The following TXNDC11 variants were observed in gnomAD, a reference collection of about 807,000 sequenced individuals.
TXNDC11 encodes the protein thioredoxin domain-containing protein 11.
In TXNDC11, 68 loss-of-function variants were observed where a neutral mutation model predicts 78.0. The observed-to-expected ratio is 0.87, with a 90% CI of 0.72 to 1.07. The LOEUF is 1.07. Ranked by LOEUF, TXNDC11 falls within the 50% of genes least tolerant of loss-of-function variation. The pLI, the probability that TXNDC11 is intolerant of heterozygous loss-of-function variation, is 0.00. For missense variants in TXNDC11, 1,389 were observed against 1,221.8 expected (o/e 1.14, Z -2.04); for synonymous variants, 571 against 495.2 (o/e 1.15, Z -2.03).
Position 11,742,808 on chromosome 16 carries a change from A to C in TXNDC11, c.-78T>G. The C allele has an allele frequency of 1.5e-6, 2 of 1,374,452 alleles. No individual in the cohort carries two copies. Among genetic ancestry groups the C allele is most frequent in the Non-Finnish European group, 1.9e-6 (2 of 1,069,696 alleles). The allele number at this position is 1,374,452 out of a possible 1,614,324, so 85.1% of individuals were successfully genotyped here. ...GGCCCGGCCCGGCCCGTTGCTCCCC[A>C]ATCCCGCAGCTCGCCGCACCCGCTA... On this transcript the variant is annotated 5_prime_UTR_variant, in exon 1 of 12. The change creates a new upstream start codon in the 5' untranslated region. Transcript: ENST00000283033.
chr16:11,721,725 T>C, intron 4 of TXNDC11, 55 bp from the exon 5 acceptor site: 1 of 972,410 alleles, frequency 1.0e-6, no homozygotes, highest in Non-Finnish European at 1.6e-6. Context: ...CACAGTGTAA[T>C]GGAGGATATT....
intron 6 of TXNDC11, 95 bp downstream of exon 6, chr16:11,700,357 T>C (rs989330235): frequency 1.8e-6 from 1 of 569,796 alleles, no homozygotes; most frequent in East Asian, 3.0e-5. Context: ...TTCTAGAGAG[T>C]GTCCATAGAT....
At chr16:11,680,193 G>A (rs563308984) in intron 11 of TXNDC11, among the ~76,000 whole-genome samples, 8 of 152,358 alleles carry the variant, frequency 5.3e-5, no homozygotes, top group Admixed American at 1.3e-4. Flanking sequence ...GATGCCCAGC[G>A]GCTGTGTCAG....
At chr16:11,700,965 C>T (rs1250313042) in intron 5 of TXNDC11, among the ~76,000 whole-genome samples, 1 of 152,100 alleles carries the variant, frequency 6.6e-6, no homozygotes, top group African/African-American at 2.4e-5. Context: ...TCCTTGACCA[C>T]CCCACCTAAC....
intron 11 of TXNDC11, among the ~76,000 whole-genome samples, chr16:11,681,665 C>T (rs2050428889): frequency 6.6e-6 from 1 of 152,158 alleles, no homozygotes; most frequent in African/African-American, 2.4e-5. Context: ...CAGGAGCACC[C>T]ATCTCCCCCT....
Position 11,688,443 on chromosome 16 carries a change from ACT to A in TXNDC11, c.1901_1902del (p.Glu634ValfsTer11), listed in dbSNP as rs1415761410. ...PKQALMKLTL[E>X]SFIQNFSVLY... ...AGAACGCTGAAGTTTTGAATAAAAG[ACT>A]CTAAAAATAAAGAGAAAATGAGATC... On this transcript the variant is annotated frameshift_variant and splice_region_variant, in exon 9 of 12. Coordinates refer to ENST00000283033, the MANE Select transcript of TXNDC11 (RefSeq NM_015914.7). LOFTEE classifies it high-confidence loss of function. 1 of 1,600,890 alleles carries A rather than the reference ACT, an allele frequency of 6.2e-7. No individual in the cohort carries two copies. The highest frequency in any genetic ancestry group is 2.2e-5 in the East Asian group (1 of 44,774).
intron 4 of TXNDC11, among the ~76,000 whole-genome samples, chr16:11,726,223 G>C (rs910423324): frequency 7.0e-5 from 3 of 43,032 alleles, no homozygotes; most frequent in African/African-American, 2.7e-4. Flanking sequence ...TTAATGATTA[G>C]CGCAATGTGA....
intron 10 of TXNDC11, among the ~76,000 whole-genome samples, chr16:11,685,340 G>C (rs2050536897): frequency 6.6e-6 from 1 of 152,016 alleles, no homozygotes; most frequent in Non-Finnish European, 1.5e-5. Flanking sequence ...AACAGAGTGA[G>C]ACCCTGTCTC....
At chr16:11,730,545 A>G (rs1460167138) in intron 4 of TXNDC11, 100 bp downstream of exon 4, 12 of 1,263,620 alleles carry the variant, frequency 9.5e-6, no homozygotes, top group Non-Finnish European at 1.3e-5. Context: ...TACTTGCTGC[A>G]ATTCAGGAGG....
At chr16:11,701,475 G>C (rs1185670705) in intron 5 of TXNDC11, among the ~76,000 whole-genome samples, 1 of 152,078 alleles carries the variant, frequency 6.6e-6, no homozygotes, top group Admixed American at 6.6e-5. Flanking sequence ...TGAAATTAGA[G>C]ACTTTGTTTC....
At chr16:11,708,492 G>A (rs1255756732) in intron 5 of TXNDC11, among the ~76,000 whole-genome samples, 2 of 152,180 alleles carry the variant, frequency 1.3e-5, no homozygotes, top group Non-Finnish European at 2.9e-5. Context: ...AGAACAGAGA[G>A]AAACTCCAGG....
intron 4 of TXNDC11, among the ~76,000 whole-genome samples, chr16:11,723,154 A>T (rs998100649): frequency 6.6e-6 from 1 of 152,122 alleles, no homozygotes; most frequent in African/African-American, 2.4e-5. Flanking sequence ...AATACTCGGA[A>T]AGCTGAGGCA....
At chr16:11,693,019 A>AC (rs2050763413) in intron 7 of TXNDC11, among the ~76,000 whole-genome samples, 1 of 151,984 alleles carries the variant, frequency 6.6e-6, no homozygotes, top group African/African-American at 2.4e-5. Context: ...TGTCCCTGAG[A>AC]CCCCTTCTAC....
At chr16:11,707,867 G>C (rs1289304941) in intron 5 of TXNDC11, among the ~76,000 whole-genome samples, 2 of 152,052 alleles carry the variant, frequency 1.3e-5, no homozygotes, top group Non-Finnish European at 2.9e-5. Flanking sequence ...AGGATCACTT[G>C]AGGCCAGGAG....
At chr16:11,690,888 C>T in intron 8 of TXNDC11, 2 of 195,152 alleles carry the variant, frequency 1.0e-5, no homozygotes, top group East Asian at 1.5e-4. Flanking sequence ...TCCTTTAGAA[C>T]AAAGCTGCTG....
At chr16:11,716,793 A>G (rs1383161191) in intron 5 of TXNDC11, among the ~76,000 whole-genome samples, 1 of 152,226 alleles carries the variant, frequency 6.6e-6, no homozygotes, top group African/African-American at 2.4e-5. Flanking sequence ...AAGAACTACA[A>G]GAAGTCCAGA....
In TXNDC11 at chr16:11,691,812, C is replaced by A; in HGVS notation, c.1378G>T (p.Val460Leu). The change falls in exon 8 of 12, where the codon GTG becomes TTG. Residue 460 changes from valine (V) to leucine (L), a missense_variant. By Grantham distance (32) the Val-to-Leu change is conservative (BLOSUM62 1). Coordinates refer to ENST00000283033, the MANE Select transcript of TXNDC11 (RefSeq NM_015914.7). ...ATTTCAAAAAAGCTGCACTGTGGCA[C>A]GCTGACCGAGCTCGGCTTCATGCCC... ...SGGMKPSSVS[V>L]PQCSFFEMAA... 2 of 1,614,234 alleles carry A rather than the reference C, an allele frequency of 1.2e-6. No homozygotes were observed. The highest frequency in any genetic ancestry group is 1.7e-6 in the Non-Finnish European group (2 of 1,180,038).
intron 5 of TXNDC11, among the ~76,000 whole-genome samples, chr16:11,715,459 C>T (rs1022111767): frequency 2.4e-4 from 6 of 25,076 alleles, no homozygotes; most frequent in Admixed American, 1.1e-3. Flanking sequence ...GACCCTGTCA[C>T]GGCAAAAAAA....
At chr16:11,730,419 C>T (rs574736206) in intron 4 of TXNDC11, among the ~76,000 whole-genome samples, 3 of 152,290 alleles carry the variant, frequency 2.0e-5, no homozygotes, top group East Asian at 1.9e-4. Flanking sequence ...AATTCCCTAA[C>T]GAAAAACAAA....
Sources: gnomAD v4.1 joint callset for allele counts (sites outside exome capture counted in the v4.1 genomes callset) on GRCh38, gnomAD v4.1.1 for gene constraint, MANE v1.5 for transcripts, NCBI Gene and HGNC (gene_info 2026-07-23, HGNC 2026-07-21) for gene names.